The following ERICH6 variants were observed in gnomAD, a reference collection of about 807,000 sequenced individuals.
The protein encoded by ERICH6 is glutamate-rich protein 6.
A neutral mutation model predicts 71.0 loss-of-function variants in ERICH6; 71 were observed. That is an observed-to-expected ratio of 1.00 (90% CI 0.83 to 1.22). The LOEUF (loss-of-function observed/expected upper bound fraction) is 1.22, where lower values mean the gene tolerates loss of function less well. Ranked by LOEUF, ERICH6 falls within the 50% of genes most tolerant of loss-of-function variation. The pLI is 0.00. For missense variants in ERICH6, 808 were observed against 797.2 expected, an observed-to-expected ratio of 1.01 and a Z score of -0.16; for synonymous variants, 262 against 278.4, an observed-to-expected ratio of 0.94 and a Z score of 0.59.
At chr3:150,697,299 A>G (rs899001376) in intron 3 of ERICH6, among the ~76,000 whole-genome samples, 1 of 152,252 alleles carries the variant, frequency 6.6e-6, no homozygotes, top group Non-Finnish European at 1.5e-5. Flanking sequence ...TAATAGTCAA[A>G]AGAAACTATT....
intron 6 of ERICH6, among the ~76,000 whole-genome samples, chr3:150,684,473 A>G (rs76802082): frequency 0.035 from 5,315 of 152,224 alleles, 340 homozygotes; most frequent in African/African-American, 0.12. Context: ...GTTGCCTTGC[A>G]TGATTCGTGC....
chr3:150,663,754 A>G (rs1727305667), intron 13 of ERICH6, among the ~76,000 whole-genome samples: 2 of 152,158 alleles, frequency 1.3e-5, no homozygotes, highest in Non-Finnish European at 1.5e-5. Flanking sequence ...CTGGGATTAC[A>G]GGCATAAGCC....
Position 150,680,799 on chromosome 3 carries a change from G to A in ERICH6, c.1014C>T (p.Leu338=), listed in dbSNP as rs1305539835. ...HAAHGSEVDR[L]KAKEKALQRK... ...TTTGCAGGGCTTTTTCTTTTGCCTTGAGTCTGTCGACCTCACTACCATGGG... is the reference window on the plus strand; with the variant it reads ...TTTGCAGGGCTTTTTCTTTTGCCTTAAGTCTGTCGACCTCACTACCATGGG... The change falls in exon 8 of 14, where the codon CTC becomes CTT. Residue 338 remains leucine (L), a synonymous_variant. Coordinates refer to ENST00000295910, the MANE Select transcript of ERICH6 (RefSeq NM_152394.5). 5 of 1,609,620 alleles carry A rather than the reference G, an allele frequency of 3.1e-6. No homozygotes were observed. The highest frequency in any genetic ancestry group is 4.2e-6 in the Non-Finnish European group (5 of 1,178,932).
chr3:150,666,404 G>T lies in ERICH6; in HGVS notation c.1728+383C>A, dbSNP rs564726539. On this transcript the variant is annotated intron_variant, in intron 13 of 13. Transcript: ENST00000295910. ...TGGGAAGTGTCTCTAAGGAGACAGG[G>T]CTTATGATTGGTCTTGAACATGATT... 4.6e-5 allele frequency among the ~76,000 whole-genome samples: 7 copies of T among 152,318 alleles called. No individual in the cohort carries two copies. The East Asian group carries it at 1.4e-3, about 29-fold the overall frequency.
rs1415576139 is a variant in ERICH6 at position 150,680,890 on chromosome 3, A to G, written c.923T>C (p.Ile308Thr). ...CIAFQNLIDYIYEEQIKTKPP... is the reference protein window; with the variant it reads ...CIAFQNLIDYTYEEQIKTKPP... ...TTTGGTTTTTATTTGCTCCTCATAG[A>G]TATAGTCAATCAGATTTTGGAAAGC... Residue 308 changes from isoleucine to threonine, a missense_variant, in exon 8 of 14, where the codon ATC (isoleucine) becomes ACC (threonine). Physicochemically the swap from Ile to Thr is moderately conservative, Grantham distance 89. This residue lies in a region of ERICH6 where 736 missense variants were observed against 712.2 expected (regional missense o/e 1.03). Coordinates refer to ENST00000295910, the MANE Select transcript of ERICH6 (RefSeq NM_152394.5). 3 of 1,612,664 alleles carry G rather than the reference A, an allele frequency of 1.9e-6. No homozygotes were observed. Among genetic ancestry groups the G allele is most frequent in the East Asian group, 4.5e-5 (2 of 44,880 alleles).
chr3:150,685,672 T>TG lies in ERICH6; in HGVS notation c.783+69dup, dbSNP rs1411124286. 3 of 1,281,884 alleles carry TG rather than the reference T, an allele frequency of 2.3e-6. No homozygotes were observed. In the Admixed American group the frequency reaches 5.8e-5, roughly 25 times the overall value. 79.4% of individuals were successfully genotyped at this position (1,281,884 alleles called of 1,614,324 possible). ...CTTTTAGAGTATTTTCACTGTCTAT[T>TG]GTGCAAATCATTATGTTTTCTTATG... On this transcript the variant is annotated intron_variant, in intron 6 of 13. Transcript: ENST00000295910.
chr3:150,667,108 G>A (rs1191335458), intron 12 of ERICH6, 93 bp from the exon 13 acceptor site: 17 of 1,184,166 alleles, frequency 1.4e-5, no homozygotes, highest in South Asian at 7.2e-5. Context: ...GGGGAGTAAC[G>A]GTTTATGCCA....
chr3:150,682,509 CTCTG>C (rs796270646), intron 6 of ERICH6, among the ~76,000 whole-genome samples, 193 bp from the exon 7 acceptor site: 44 of 152,242 alleles, frequency 2.9e-4, no homozygotes, highest in African/African-American at 1.0e-3. Context: ...TTTTGCAGGT[CTCTG>C]TCTGGTGCAA....
At chr3:150,675,704 A>ATTG (rs572673204) in intron 10 of ERICH6, among the ~76,000 whole-genome samples, 3 of 141,768 alleles carry the variant, frequency 2.1e-5, no homozygotes, top group Non-Finnish European at 4.6e-5. Context: ...TAGATTGGCC[A>ATTG]TTGTTTTTTT....
Position 150,678,456 on chromosome 3 carries a change from T to G in ERICH6, c.1210A>C (p.Ser404Arg). Reference sequence around the variant, plus strand: ...TCACAACAAATGATAGACATGTTACTGTTTCTTAGTTGAAAATCAAATACA... The same window carrying G: ...TCACAACAAATGATAGACATGTTACGGTTTCTTAGTTGAAAATCAAATACA... ...DIVFDFQLRN[S>R]NMSIICCDSR... Residue 404 changes from serine (S) to arginine (R), a missense_variant, in exon 10 of 14, where the codon AGT becomes CGT. By Grantham distance (110) the Ser-to-Arg change is moderately radical. Around this residue, in one of 3 missense-constraint regions of ERICH6, gnomAD observed 736 missense variants for 712.2 expected, o/e 1.03. Transcript: ENST00000295910. The G allele has an allele frequency of 6.2e-7, 1 of 1,604,384 alleles. No individual in the cohort carries two copies. Among genetic ancestry groups the G allele is most frequent in the Non-Finnish European group, 8.5e-7 (1 of 1,177,436 alleles).
In ERICH6 at chr3:150,665,778, A is replaced by C. The variant is rs991422124; in HGVS notation, c.1728+1009T>G. ...GGGAGGTGGAGGTTGCAGTGAGCTGAGATCGCGCCACTGTACTCCAGCCTG... is the reference window on the plus strand; with the variant it reads ...GGGAGGTGGAGGTTGCAGTGAGCTGCGATCGCGCCACTGTACTCCAGCCTG... On this transcript the variant is annotated intron_variant, in intron 13 of 13. Transcript: ENST00000295910. Among the ~76,000 whole-genome samples the C allele has an allele frequency of 4.7e-5, 7 of 148,320 alleles. No homozygotes were observed. The Admixed American group carries it at 4.8e-4, about 10-fold the overall frequency.
At chr3:150,681,070 C>CGGCCGGGCGCGGTGGCTCCCGCCTGTA in intron 7 of ERICH6, 140 bp from the exon 8 acceptor site, 1 of 847,172 alleles carries the variant, frequency 1.2e-6, no homozygotes. Flanking sequence ...ATATAATTCA[C>CGGCCGGGCGCGGTGGCTCCCGCCTGTA]ATACCATACA....
At chr3:150,702,073 A>G in intron 2 of ERICH6, 48 bp downstream of exon 2, 2 of 1,234,054 alleles carry the variant, frequency 1.6e-6, no homozygotes, top group South Asian at 2.7e-5. Flanking sequence ...TCCAAAAGGT[A>G]AACATTATTG....
chr3:150,660,210 A>G, intron 13 of ERICH6, 55 bp from the exon 14 acceptor site: 1 of 1,575,994 alleles, frequency 6.3e-7, no homozygotes, highest in South Asian at 1.2e-5. Flanking sequence ...GGAACTGGGG[A>G]GGTGGGAGGA....
At chr3:150,691,246 A>G (rs945357935) in intron 3 of ERICH6, among the ~76,000 whole-genome samples, 7 of 152,230 alleles carry the variant, frequency 4.6e-5, no homozygotes, top group Non-Finnish European at 1.0e-4. Flanking sequence ...AGATGAACTC[A>G]TTATAATTTA....
chr3:150,689,829 T>G (rs1712351285), intron 3 of ERICH6, among the ~76,000 whole-genome samples: 1 of 152,164 alleles, frequency 6.6e-6, no homozygotes, highest in African/African-American at 2.4e-5. Flanking sequence ...AGAGTCCCTT[T>G]GCGGGAGAAC....
chr3:150,698,175 C>T (rs1576563623), intron 3 of ERICH6, among the ~76,000 whole-genome samples: 1 of 149,834 alleles, frequency 6.7e-6, no homozygotes, highest in South Asian at 2.1e-4. Context: ...CTGATTTATT[C>T]TCTATATTGT....
At chr3:150,694,152 A>G (rs1371265461) in intron 3 of ERICH6, among the ~76,000 whole-genome samples, 1 of 152,142 alleles carries the variant, frequency 6.6e-6, no homozygotes, top group Non-Finnish European at 1.5e-5. Context: ...GACTTCACAA[A>G]CTGCTAAAAC....
intron 9 of ERICH6, among the ~76,000 whole-genome samples, chr3:150,679,035 CAAA>C (rs1160094551): frequency 3.8e-3 from 249 of 65,204 alleles, no homozygotes; most frequent in African/African-American, 0.015. Flanking sequence ...GACTCTGTCT[CAAA>C]AAAAAAAAAA....
Sources: gnomAD v4.1 joint callset for allele counts (sites outside exome capture counted in the v4.1 genomes callset) on GRCh38, gnomAD v4.1.1 for gene constraint, gnomAD v4.1.1 regional missense constraint, MANE v1.5 for transcripts, NCBI Gene and HGNC (gene_info 2026-07-23, HGNC 2026-07-21) for gene names.